The following SIPA1L1 variants were observed in gnomAD, a reference collection of about 807,000 sequenced individuals.
SIPA1L1 encodes the protein signal induced proliferation associated 1 like 1.
A neutral mutation model predicts 162.7 loss-of-function variants in SIPA1L1; 26 were observed. The observed-to-expected ratio is 0.16, with a 90% CI of 0.12 to 0.22. The LOEUF (loss-of-function observed/expected upper bound fraction) is 0.22. Among genes scored for constraint, SIPA1L1 ranks in the 10% least tolerant of loss-of-function variants. The pLI is 1.00. For missense variants in SIPA1L1, 1,874 were observed against 2,241.0 expected (o/e 0.84, Z 3.31); for synonymous variants, 829 against 837.4 (o/e 0.99, Z 0.17).
chr14:71,696,952 G>C (rs2081676706), intron 13 of SIPA1L1, among the ~76,000 whole-genome samples: 1 of 152,234 alleles, frequency 6.6e-6, no homozygotes, highest in African/African-American at 2.4e-5. Context: ...TGAATGGGCA[G>C]AGTCTGAGAA....
intron 2 of SIPA1L1, among the ~76,000 whole-genome samples, chr14:71,472,553 G>T (rs746482737): frequency 2.6e-5 from 4 of 151,832 alleles, no homozygotes; most frequent in Non-Finnish European, 5.9e-5. Flanking sequence ...TGCTTTTTTG[G>T]GTGGTTTGTA....
At chr14:71,450,571 C>T (rs984583681) in intron 2 of SIPA1L1, among the ~76,000 whole-genome samples, 2 of 151,862 alleles carry the variant, frequency 1.3e-5, no homozygotes, top group Non-Finnish European at 2.9e-5. Flanking sequence ...CATTCAACTT[C>T]GGAGCCATAA....
intron 4 of SIPA1L1, among the ~76,000 whole-genome samples, chr14:71,547,065 C>G (rs1039698661): frequency 6.6e-6 from 1 of 151,672 alleles, no homozygotes; most frequent in Non-Finnish European, 1.5e-5. Flanking sequence ...TGCCTTGTAC[C>G]CTATGTAATT....
chr14:71,573,712 G>GT (rs1160208188), intron 4 of SIPA1L1: 7 of 456,652 alleles, frequency 1.5e-5, no homozygotes, highest in Non-Finnish European at 2.6e-5. Flanking sequence ...CCTGCCAATG[G>GT]TTTTTTTCTC....
intron 2 of SIPA1L1, among the ~76,000 whole-genome samples, chr14:71,483,837 C>A (rs1477773188): frequency 1.3e-5 from 2 of 152,162 alleles, no homozygotes; most frequent in Non-Finnish European, 2.9e-5. Context: ...CTATCACTTC[C>A]TGCTTGGAAC....
intron 2 of SIPA1L1, among the ~76,000 whole-genome samples, chr14:71,366,380 G>A (rs567094296): frequency 5.2e-4 from 79 of 152,230 alleles, no homozygotes; most frequent in Non-Finnish European, 9.7e-4. Flanking sequence ...TGGAGGTGCT[G>A]TAGTATAAAC....
At chr14:71,407,890 C>T (rs565003530) in intron 2 of SIPA1L1, among the ~76,000 whole-genome samples, 37 of 152,116 alleles carry the variant, frequency 2.4e-4, no homozygotes, top group Admixed American at 1.8e-3. Context: ...TTTTTGTAGG[C>T]GAAGCTAGGC....
chr14:71,660,557 T>C (rs2043423869), intron 9 of SIPA1L1, among the ~76,000 whole-genome samples: 1 of 152,208 alleles, frequency 6.6e-6, no homozygotes, highest in Non-Finnish European at 1.5e-5. Flanking sequence ...ATAGTTTATA[T>C]AAATGTCACA....
At chr14:71,331,397 T>C (rs898592436) in intron 2 of SIPA1L1, among the ~76,000 whole-genome samples, 1 of 152,234 alleles carries the variant, frequency 6.6e-6, no homozygotes, top group Non-Finnish European at 1.5e-5. Context: ...AAAGAATTTT[T>C]CCTGTTTTTG....
rs1436152782 is a variant in SIPA1L1 at position 71,356,578 on chromosome 14, A to AAAAAAAAAAAAAAAAAAAAAAAAAAAAAC, written c.-465+35406_-465+35407insAAAAAAAAAAAAAAAAAAACAAAAAAAAA. Among the ~76,000 whole-genome samples, 3 of 143,372 alleles carry AAAAAAAAAAAAAAAAAAAAAAAAAAAAAC rather than the reference A, an allele frequency of 2.1e-5. 1 individual carries two copies. Among genetic ancestry groups the AAAAAAAAAAAAAAAAAAAAAAAAAAAAAC allele is most frequent in the Non-Finnish European group, 4.6e-5 (3 of 65,510 alleles). 94.1% of individuals were successfully genotyped at this position (143,372 alleles called of 152,430 possible). On this transcript the variant is annotated intron_variant, in intron 2 of 23. Coordinates refer to ENST00000381232, the MANE Select transcript of SIPA1L1 (RefSeq NM_001386936.1). ...AGACCTTGTCTCTACAAAAAAAAAA[A>AAAAAAAAAAAAAAAAAAAAAAAAAAAAAC]AAAAAAAAAGCACACCTGTTGTCCT...
chr14:71,713,188 C>CA (rs1260451458), intron 17 of SIPA1L1, among the ~76,000 whole-genome samples: 1 of 151,962 alleles, frequency 6.6e-6, no homozygotes, highest in East Asian at 1.9e-4. Flanking sequence ...GACACTGTCT[C>CA]AAAAAAATGA....
At chr14:71,560,435 A>G (rs142842160) in intron 4 of SIPA1L1, among the ~76,000 whole-genome samples, 209 of 152,282 alleles carry the variant, frequency 1.4e-3, no homozygotes, top group Non-Finnish European at 2.5e-3. Context: ...TCTAGGTACC[A>G]TGTACTCCAG....
chr14:71,453,076 AAT>A (rs1351942645), intron 2 of SIPA1L1, among the ~76,000 whole-genome samples: 1 of 152,240 alleles, frequency 6.6e-6, no homozygotes, highest in Non-Finnish European at 1.5e-5. Context: ...GAAATTGTGA[AAT>A]ATTTAAAGTT....
chr14:71,542,641 C>T (rs1404111224), intron 4 of SIPA1L1, among the ~76,000 whole-genome samples: 1 of 110,492 alleles, frequency 9.1e-6, no homozygotes, highest in African/African-American at 3.4e-5. Context: ...TCTTCTTCCA[C>T]TTCTTTCTTC....
intron 2 of SIPA1L1, among the ~76,000 whole-genome samples, chr14:71,417,827 G>A (rs368681396): frequency 3.9e-5 from 6 of 152,300 alleles, no homozygotes; most frequent in East Asian, 3.9e-4. Context: ...TACTAAAAAT[G>A]TATAGTAGCT....
intron 12 of SIPA1L1, among the ~76,000 whole-genome samples, chr14:71,678,149 T>C (rs2045403648): frequency 1.3e-5 from 2 of 152,214 alleles, no homozygotes; most frequent in Non-Finnish European, 2.9e-5. Context: ...TCCTGCCTGA[T>C]TGCCCCGGCC....
chr14:71,620,832 T>C (rs2148530015), intron 6 of SIPA1L1, among the ~76,000 whole-genome samples: 1 of 152,342 alleles, frequency 6.6e-6, no homozygotes, highest in South Asian at 2.1e-4. Context: ...TCTGTAGTCA[T>C]AAGATTCTCT....
In SIPA1L1 at chr14:71,735,350, G is replaced by A. The variant is rs765856606; in HGVS notation, c.5082G>A (p.Gln1694=). 1.1e-4 allele frequency: 183 copies of A among 1,614,048 alleles called. No individual in the cohort carries two copies. The highest frequency in any genetic ancestry group is 1.5e-4 in the Non-Finnish European group (176 of 1,180,006). Residue 1694 remains glutamine, a synonymous_variant, in exon 22 of 24, where the codon CAG becomes CAA. Transcript: ENST00000381232. ...TGAGTGCTGCATCCAACAGTGATCA[G>A]CTGGAGGACCAGGCTCTGGCCCAGA... ...RPLSAASNSD[Q]LEDQALAQMK...
chr14:71,676,776 A>G (rs1428744761), intron 12 of SIPA1L1, among the ~76,000 whole-genome samples: 1 of 151,936 alleles, frequency 6.6e-6, no homozygotes, highest in Non-Finnish European at 1.5e-5. Context: ...GGTTTCCAGC[A>G]TCTTCTATGT....
Sources: allele counts gnomAD v4.1 joint callset (sites outside exome capture counted in the v4.1 genomes callset), GRCh38; gene constraint gnomAD v4.1.1; transcripts MANE v1.5; gene names NCBI Gene and HGNC (gene_info 2026-07-23, HGNC 2026-07-21).